Variants in POU6F2 observed in about 807,000 individuals in gnomAD.
POU6F2 encodes POU class 6 homeobox 2, also known as POU domain, class 6, transcription factor 2.
A neutral mutation model predicts 71.3 loss-of-function variants in POU6F2; 31 were observed. That is an observed-to-expected ratio of 0.43 (90% CI 0.33 to 0.59). The LOEUF (loss-of-function observed/expected upper bound fraction) is 0.59, where lower values mean the gene tolerates loss of function less well. Among genes scored for constraint, POU6F2 ranks in the 20% least tolerant of loss-of-function variants. The pLI is 0.04. For missense variants in POU6F2, 783 were observed against 856.8 expected, an observed-to-expected ratio of 0.91 and a Z score of 1.07; for synonymous variants, 347 against 355.7, an observed-to-expected ratio of 0.98 and a Z score of 0.27.
intron 1 of POU6F2, among the ~76,000 whole-genome samples, chr7:38,985,498 C>A (rs1234240475): frequency 6.6e-6 from 1 of 151,932 alleles, no homozygotes; most frequent in Admixed American, 6.6e-5. Flanking sequence ...AATTCCGAAT[C>A]GGGAAACTTA....
intron 5 of POU6F2, among the ~76,000 whole-genome samples, chr7:39,390,679 C>T (rs1036266632): frequency 8.5e-5 from 13 of 152,170 alleles, no homozygotes; most frequent in Non-Finnish European, 7.4e-5. Flanking sequence ...TTCGTTAAAT[C>T]GGCGGATAAC....
chr7:39,411,567 T>C (rs1787551005), intron 6 of POU6F2, among the ~76,000 whole-genome samples: 1 of 152,096 alleles, frequency 6.6e-6, no homozygotes, highest in Non-Finnish European at 1.5e-5. Context: ...ATTATTTCAA[T>C]GTATTAAAAA....
At chr7:39,292,046 T>TG (rs1562778963) in intron 4 of POU6F2, among the ~76,000 whole-genome samples, 1 of 151,046 alleles carries the variant, frequency 6.6e-6, no homozygotes, top group East Asian at 1.9e-4. Context: ...GGAAAAAAAC[T>TG]GAGAAGGAGA....
At chr7:39,244,102 G>C (rs1006966793) in intron 4 of POU6F2, among the ~76,000 whole-genome samples, 3 of 152,148 alleles carry the variant, frequency 2.0e-5, no homozygotes, top group African/African-American at 4.8e-5. Flanking sequence ...TGTATTTCCA[G>C]AGGAAGTGGG....
At chr7:39,432,692 G>A (rs540703650) in intron 6 of POU6F2, among the ~76,000 whole-genome samples, 2 of 152,230 alleles carry the variant, frequency 1.3e-5, no homozygotes, top group African/African-American at 4.8e-5. Context: ...CCCGGGGTTG[G>A]GGGGTGGTGG....
chr7:39,069,156 T>G (rs1284858166), intron 1 of POU6F2, among the ~76,000 whole-genome samples: 1 of 152,192 alleles, frequency 6.6e-6, no homozygotes, highest in Admixed American at 6.5e-5. Context: ...AAGCACAAGC[T>G]CCTTGCCAGT....
At chr7:39,013,181 C>T (rs894211256) in intron 1 of POU6F2, 12 of 157,746 alleles carry the variant, frequency 7.6e-5, no homozygotes, top group Admixed American at 7.2e-4. Flanking sequence ...ATCAGGGAGA[C>T]TCTGTGGGCG....
chr7:39,059,814 G>A (rs1367515912), intron 1 of POU6F2, among the ~76,000 whole-genome samples: 1 of 152,148 alleles, frequency 6.6e-6, no homozygotes, highest in Non-Finnish European at 1.5e-5. Flanking sequence ...AAGAAAATGC[G>A]ATATAGTCAT....
At chr7:38,979,698 A>G (rs1788269012) in intron 1 of POU6F2, among the ~76,000 whole-genome samples, 1 of 152,150 alleles carries the variant, frequency 6.6e-6, no homozygotes, top group Non-Finnish European at 1.5e-5. Context: ...ACTTTTGCAT[A>G]TTGAAATAAA....
At chr7:39,304,922 A>G (rs1291327445) in intron 4 of POU6F2, among the ~76,000 whole-genome samples, 1 of 152,198 alleles carries the variant, frequency 6.6e-6, no homozygotes, top group Non-Finnish European at 1.5e-5. Flanking sequence ...ACAGAGCATG[A>G]TTTAGTTAAA....
chr7:39,249,764 C>G (rs375141411), intron 4 of POU6F2, among the ~76,000 whole-genome samples: 1 of 152,142 alleles, frequency 6.6e-6, no homozygotes. Context: ...CTAATACACT[C>G]GATTCCTTGA....
chr7:39,384,929 G>T (rs973464005), intron 5 of POU6F2, among the ~76,000 whole-genome samples: 1 of 152,176 alleles, frequency 6.6e-6, no homozygotes, highest in African/African-American at 2.4e-5. Flanking sequence ...TAAGTAGAGG[G>T]ATAAATTTTG....
chr7:39,275,540 G>A (rs1458501088), intron 4 of POU6F2, among the ~76,000 whole-genome samples: 1 of 152,084 alleles, frequency 6.6e-6, no homozygotes, highest in Non-Finnish European at 1.5e-5. Context: ...TCACTGAATT[G>A]GAAAAAACTA....
chr7:39,262,019 G>A (rs890288967), intron 4 of POU6F2, among the ~76,000 whole-genome samples: 1 of 152,070 alleles, frequency 6.6e-6, no homozygotes, highest in African/African-American at 2.4e-5. Flanking sequence ...AATATGGAAG[G>A]GTGGAGAAAC....
At chr7:39,176,489 T>G (rs943398277) in intron 2 of POU6F2, among the ~76,000 whole-genome samples, 3 of 152,156 alleles carry the variant, frequency 2.0e-5, no homozygotes, top group East Asian at 1.9e-4. Context: ...ATCTGATGAA[T>G]TCCCATTTGC....
chr7:39,452,096 T>G (rs1301928208), intron 8 of POU6F2, among the ~76,000 whole-genome samples: 1 of 152,132 alleles, frequency 6.6e-6, no homozygotes, highest in Non-Finnish European at 1.5e-5. Context: ...TTATGTGTGT[T>G]TGAAGTCCCC....
At chr7:39,159,993 C>T (rs1792959403) in intron 2 of POU6F2, among the ~76,000 whole-genome samples, 1 of 152,112 alleles carries the variant, frequency 6.6e-6, no homozygotes, top group Non-Finnish European at 1.5e-5. Context: ...TCTGACATAA[C>T]ATGAGAGGGC....
intron 5 of POU6F2, chr7:39,405,087 A>T (rs1361142354): frequency 2.0e-5 from 3 of 152,178 alleles, no homozygotes; most frequent in Non-Finnish European, 4.4e-5. Context: ...ATGGATTCTC[A>T]TTTTTTTTAA....
chr7:39,052,788 GTTATTTA>G (rs1036823495), intron 1 of POU6F2, among the ~76,000 whole-genome samples: 8 of 152,154 alleles, frequency 5.3e-5, no homozygotes, highest in Admixed American at 1.3e-4. Context: ...TAAAAACATT[GTTATTTA>G]TTCATCCACT....
Sources: gnomAD v4.1 joint callset for allele counts (sites outside exome capture counted in the v4.1 genomes callset) on GRCh38, gnomAD v4.1.1 for gene constraint, MANE v1.5 for transcripts, NCBI Gene and HGNC (gene_info 2026-07-23, HGNC 2026-07-21) for gene names.